The following PRKCA variants were observed in gnomAD, a reference collection of about 807,000 sequenced individuals.
PRKCA encodes the protein protein kinase C alpha type.
In PRKCA, 27 loss-of-function variants were observed where a neutral mutation model predicts 87.0. The observed-to-expected ratio is 0.31, with a 90% CI of 0.23 to 0.43. The LOEUF (loss-of-function observed/expected upper bound fraction) is 0.43, where lower values mean the gene tolerates loss of function less well. PRKCA is among the 20% of genes least tolerant of loss of function. The pLI, the probability that PRKCA is intolerant of heterozygous loss-of-function variation, is 1.00. For missense variants in PRKCA, 518 were observed against 852.3 expected (o/e 0.61, Z 4.88); for synonymous variants, 329 against 311.1 (o/e 1.06, Z -0.61).
chr17:66,546,180 T>C (rs1968140011), intron 3 of PRKCA, among the ~76,000 whole-genome samples: 1 of 152,228 alleles, frequency 6.6e-6, no homozygotes, highest in Non-Finnish European at 1.5e-5. Flanking sequence ...TTACATGGGA[T>C]TATAATTTAC....
chr17:66,437,306 C>G (rs911787240), intron 2 of PRKCA, among the ~76,000 whole-genome samples: 2 of 152,136 alleles, frequency 1.3e-5, no homozygotes, highest in African/African-American at 4.8e-5. Flanking sequence ...AGGCTGAGAA[C>G]AGGTTTTCTC....
intron 2 of PRKCA, among the ~76,000 whole-genome samples, chr17:66,431,843 T>C (rs1913113729): frequency 6.6e-6 from 1 of 152,196 alleles, no homozygotes; most frequent in South Asian, 2.1e-4. Context: ...TAATTAAGTA[T>C]AGCAGAATTA....
At chr17:66,530,277 A>G (rs1806448) in intron 3 of PRKCA, among the ~76,000 whole-genome samples, 27,832 of 152,166 alleles carry the variant, frequency 0.18, 3,063 homozygotes, top group South Asian at 0.27. Flanking sequence ...AATGTATTTT[A>G]TTGAATCCCA....
intron 2 of PRKCA, among the ~76,000 whole-genome samples, chr17:66,330,933 T>A (rs1302086600): frequency 6.6e-6 from 1 of 152,214 alleles, no homozygotes; most frequent in Non-Finnish European, 1.5e-5. Flanking sequence ...TATTATTTAC[T>A]TCTTTCCTCT....
intron 5 of PRKCA, among the ~76,000 whole-genome samples, chr17:66,684,316 T>C (rs1359873492): frequency 1.3e-5 from 2 of 152,204 alleles, no homozygotes; most frequent in Non-Finnish European, 2.9e-5. Flanking sequence ...ATTTTCCAGA[T>C]GAGGAAACTT....
chr17:66,529,439 A>C (rs1335316133), intron 3 of PRKCA, among the ~76,000 whole-genome samples: 1 of 152,076 alleles, frequency 6.6e-6, no homozygotes, highest in African/African-American at 2.4e-5. Context: ...TGATGAAAGG[A>C]GCTCATGCCT....
chr17:66,490,899 A>G (rs941822648), intron 2 of PRKCA, among the ~76,000 whole-genome samples: 2 of 152,204 alleles, frequency 1.3e-5, no homozygotes, highest in African/African-American at 4.8e-5. Context: ...TCTTGAGCCA[A>G]ACACAGGTGA....
intron 2 of PRKCA, among the ~76,000 whole-genome samples, chr17:66,425,278 C>T (rs571354280): frequency 6.6e-6 from 1 of 152,226 alleles, no homozygotes; most frequent in African/African-American, 2.4e-5. Context: ...CCACCTCCAC[C>T]AACATCCACA....
intron 3 of PRKCA, among the ~76,000 whole-genome samples, chr17:66,520,125 A>ATT (rs35377147): frequency 1.5e-5 from 2 of 133,954 alleles, no homozygotes; most frequent in Non-Finnish European, 1.6e-5. Flanking sequence ...CACACTAATA[A>ATT]TTTTTTTTTT....
At chr17:66,489,907 A>C (rs984690361) in intron 2 of PRKCA, among the ~76,000 whole-genome samples, 2 of 151,720 alleles carry the variant, frequency 1.3e-5, no homozygotes, top group Non-Finnish European at 2.9e-5. Flanking sequence ...CAGCCACCCA[A>C]GTAGCTGGGA....
chr17:66,421,112 T>C (rs1303744751), intron 2 of PRKCA, among the ~76,000 whole-genome samples: 1 of 152,190 alleles, frequency 6.6e-6, no homozygotes, highest in African/African-American at 2.4e-5. Flanking sequence ...TCCAGTGAAG[T>C]TGAAAAATGC....
chr17:66,790,031 G>T (rs1432318750), intron 16 of PRKCA, among the ~76,000 whole-genome samples: 1 of 152,228 alleles, frequency 6.6e-6, no homozygotes, highest in Non-Finnish European at 1.5e-5. Context: ...GGACTGCAGA[G>T]AGCTGCTTTA....
intron 2 of PRKCA, among the ~76,000 whole-genome samples, chr17:66,386,645 A>G (rs1567802457): frequency 6.6e-6 from 1 of 152,230 alleles, no homozygotes; most frequent in Non-Finnish European, 1.5e-5. Flanking sequence ...CTTGAGAGTA[A>G]GTCAGTCAAA....
chr17:66,725,762 A>T (rs1187056087), intron 8 of PRKCA, among the ~76,000 whole-genome samples: 3 of 151,674 alleles, frequency 2.0e-5, no homozygotes, highest in Middle Eastern at 3.4e-3. Context: ...GTGAACCATG[A>T]TCATGCCACT....
chr17:66,563,028 A>C (rs1482200277), intron 3 of PRKCA, among the ~76,000 whole-genome samples: 1 of 151,862 alleles, frequency 6.6e-6, no homozygotes, highest in Non-Finnish European at 1.5e-5. Context: ...TTTTTTTTTA[A>C]AAAGATATTT....
chr17:66,399,100 C>CTTTTCTTTTCTTTTT (rs1555598364), intron 2 of PRKCA, among the ~76,000 whole-genome samples: 3 of 117,262 alleles, frequency 2.6e-5, no homozygotes, highest in Non-Finnish European at 5.4e-5. Context: ...CTTTTCTTTT[C>CTTTTCTTTTCTTTTT]TTTTTTTTTT....
intron 8 of PRKCA, among the ~76,000 whole-genome samples, chr17:66,697,279 T>C (rs1972946155): frequency 6.6e-6 from 1 of 152,242 alleles, no homozygotes; most frequent in African/African-American, 2.4e-5. Flanking sequence ...TAAAGCTAGA[T>C]GTCAGCACAG....
intron 3 of PRKCA, among the ~76,000 whole-genome samples, chr17:66,618,616 C>T (rs536501013): frequency 6.6e-6 from 1 of 152,200 alleles, no homozygotes; most frequent in South Asian, 2.1e-4. Flanking sequence ...CTCTGTGGCT[C>T]CCAAAGATAA....
At chr17:66,380,116 A>G (rs1481903006) in intron 2 of PRKCA, among the ~76,000 whole-genome samples, 1 of 152,162 alleles carries the variant, frequency 6.6e-6, no homozygotes, top group Non-Finnish European at 1.5e-5. Context: ...GACGAGATCC[A>G]ATTTAGGAAG....
Sources: gnomAD v4.1 joint callset for allele counts (sites outside exome capture counted in the v4.1 genomes callset) on GRCh38, gnomAD v4.1.1 for gene constraint, MANE v1.5 for transcripts, NCBI Gene and HGNC (gene_info 2026-07-23, HGNC 2026-07-21) for gene names.